GRK1: variants seen among roughly 807,000 people sequenced by gnomAD.
GRK1 encodes rhodopsin kinase GRK1.
Under a neutral mutation model 41.7 loss-of-function variants are expected in GRK1, and 28 were observed. The ratio of observed to expected loss-of-function variants is 0.67; its 90% CI spans 0.50 to 0.92. The LOEUF is 0.92. Ranked by LOEUF, GRK1 falls within the 40% of genes least tolerant of loss-of-function variation. GRK1 has a pLI of 0.00. For missense variants in GRK1, 703 were observed against 671.2 expected (o/e 1.05, Z -0.52); for synonymous variants, 327 against 286.7 (o/e 1.14, Z -1.42).
the GRK1 span, chr13:113,649,323 G>C: frequency 1.3e-6 from 2 of 1,548,180 alleles, no homozygotes; most frequent in Non-Finnish European, 1.7e-6. This position sits in a 1 kb window ranked among gnomAD's most constrained non-coding sequence, Gnocchi z 4.7. Flanking sequence ...AACCAGGAGG[G>C]TGTCCTTGAG....
chr13:113,669,877 G>A, intron 2 of GRK1, 63 bp downstream of exon 2: 1 of 1,593,696 alleles, frequency 6.3e-7, no homozygotes, highest in Non-Finnish European at 8.6e-7. Flanking sequence ...GGTTTCCAGG[G>A]CCCGGGCTCC....
the GRK1 span, chr13:113,650,297 C>T: frequency 9.2e-7 from 1 of 1,086,264 alleles, no homozygotes; most frequent in Non-Finnish European, 1.4e-6. This position sits in a 1 kb window ranked among gnomAD's most constrained non-coding sequence, Gnocchi z 5.0. Flanking sequence ...CCGGCTAAGT[C>T]ACACCTTTGT....
intron 1 of GRK1, among the ~76,000 whole-genome samples, chr13:113,669,382 G>C (rs1466715296): frequency 6.6e-6 from 1 of 152,244 alleles, no homozygotes; most frequent in Non-Finnish European, 1.5e-5. Context: ...GGGCAGGCGG[G>C]GCTGGCAGGG....
At chr13:113,726,907 T>C (rs1259975545) in intron 4 of GRK1, among the ~76,000 whole-genome samples, 2 of 152,230 alleles carry the variant, frequency 1.3e-5, no homozygotes, top group Admixed American at 6.5e-5. Flanking sequence ...AAAAGGATTC[T>C]GTGGCCACAT....
Position 113,667,561 on chromosome 13 carries a change from G to C in GRK1, c.175G>C (p.Glu59Gln), listed in dbSNP as rs1187576493. Residue 59 changes from glutamate to glutamine, a missense_variant, in exon 1 of 7, where the codon GAG becomes CAG. Glu to Gln is a conservative substitution (Grantham distance 29). Coordinates refer to ENST00000335678, the MANE Select transcript of GRK1 (RefSeq NM_002929.3). The surrounding 1 kb of genome is among the most constrained non-coding windows in gnomAD (Gnocchi z 7.5). ...SLRDSLSLEFESVCLEQPIGK... is the reference protein window; with the variant it reads ...SLRDSLSLEFQSVCLEQPIGK... ...CCGCGACAGCCTCAGCCTGGAGTTT[G>C]AGAGTGTGTGCTTGGAGCAGCCCAT... 6.2e-7 allele frequency: 1 copy of C among 1,613,604 alleles called. No homozygotes were observed. Among genetic ancestry groups the C allele is most frequent in the Non-Finnish European group, 8.5e-7 (1 of 1,179,878 alleles).
upstream of GRK1, among the ~76,000 whole-genome samples, chr13:113,663,539 G>A (rs1266925053): frequency 1.3e-5 from 2 of 152,192 alleles, no homozygotes; most frequent in Non-Finnish European, 2.9e-5. Context: ...ATCACTGGGA[G>A]AGGATATTCG....
At chr13:113,723,722 GTC>G (rs2071082839) in intron 4 of GRK1, among the ~76,000 whole-genome samples, 1 of 152,002 alleles carries the variant, frequency 6.6e-6, no homozygotes, top group African/African-American at 2.4e-5. Flanking sequence ...GTGATTTTGG[GTC>G]TCAAGATATT....
chr13:113,648,883 T>G, the GRK1 span: 1 of 152,300 alleles, frequency 6.6e-6, no homozygotes, highest in Non-Finnish European at 1.5e-5. Flanking sequence ...ACAATAAGAG[T>G]AACTTTAATA....
At chr13:113,653,981 G>A in the GRK1 span, among the ~76,000 whole-genome samples, 1 of 152,064 alleles carries the variant, frequency 6.6e-6, no homozygotes, top group Non-Finnish European at 1.5e-5. Flanking sequence ...TTTACTGCAG[G>A]TCCTTAGGAA....
chr13:113,734,245 G>A (rs967283428), intron 6 of GRK1, among the ~76,000 whole-genome samples: 1 of 152,230 alleles, frequency 6.6e-6, no homozygotes, highest in African/African-American at 2.4e-5. Context: ...CGTATGTTAG[G>A]GTCACAGCAG....
At chr13:113,650,681 A>G in the GRK1 span, among the ~76,000 whole-genome samples, 1 of 152,226 alleles carries the variant, frequency 6.6e-6, no homozygotes, top group Non-Finnish European at 1.5e-5. This position sits in a 1 kb window ranked among gnomAD's most constrained non-coding sequence, Gnocchi z 5.0. Flanking sequence ...CTGAGATCTC[A>G]GCAAGGATAT....
intron 4 of GRK1, among the ~76,000 whole-genome samples, chr13:113,727,042 G>A (rs900897887): frequency 4.6e-5 from 7 of 152,236 alleles, no homozygotes; most frequent in Admixed American, 1.3e-4. Flanking sequence ...CAGGACATCC[G>A]TCATGGGTCT....
upstream of GRK1, among the ~76,000 whole-genome samples, chr13:113,664,886 T>C (rs1007962285): frequency 6.6e-6 from 1 of 152,210 alleles, no homozygotes; most frequent in African/African-American, 2.4e-5. The surrounding 1 kb of genome is among the most constrained non-coding windows in gnomAD (Gnocchi z 5.4). Flanking sequence ...GGAGTTAACG[T>C]GATCCGCCCA....
chr13:113,731,062 G>C lies in GRK1; in HGVS notation c.1070-157G>C. On this transcript the variant is annotated intron_variant, in intron 4 of 6. Coordinates refer to ENST00000335678, the MANE Select transcript of GRK1 (RefSeq NM_002929.3). This position sits in a 1 kb window ranked among gnomAD's most constrained non-coding sequence, Gnocchi z 5.6. ...GCTGCTTGGCACCCAGTAACACACA[G>C]GGCAGCCCCTCCACAAAGGATTTTC... 3.1e-6 allele frequency: 2 copies of C among 641,060 alleles called. No individual in the cohort carries two copies. Among genetic ancestry groups the C allele is most frequent in the Non-Finnish European group, 3.9e-6 (2 of 515,616 alleles). 39.7% of individuals were successfully genotyped at this position (641,060 alleles called of 1,614,324 possible). A position where few individuals can be genotyped will look rare whatever the true frequency, so the allele number is the denominator to read the frequency against.
In GRK1 at chr13:113,671,629, C is replaced by A. The variant is rs1176553670; in HGVS notation, c.958C>A (p.Pro320Thr). Residue 320 changes from proline (P) to threonine (T), a missense_variant, in exon 3 of 7, where the codon CCC (proline) becomes ACC (threonine). Pro to Thr is a conservative substitution (Grantham distance 38, BLOSUM62 -1). Transcript: ENST00000335678. The surrounding 1 kb of genome is among the most constrained non-coding windows in gnomAD (Gnocchi z 4.1). ...QRRIVYRDLK[P>T]ENVLLDNDGN... is the part of the protein sequence containing the mutation. ...GCGGATCGTCTACCGCGACCTCAAG[C>A]CCGAGAACGTGCTGCTGGACAATGA... The A allele has an allele frequency of 1.4e-5, 11 of 768,388 alleles. No individual in the cohort carries two copies. Among genetic ancestry groups the A allele is most frequent in the Non-Finnish European group, 2.4e-5 (10 of 417,318 alleles). 47.6% of individuals were successfully genotyped at this position (768,388 alleles called of 1,614,324 possible). A position where few individuals can be genotyped will look rare whatever the true frequency, so the allele number is the denominator to read the frequency against.
chr13:113,729,565 A>T (rs1427122929), intron 4 of GRK1, among the ~76,000 whole-genome samples: 1 of 152,218 alleles, frequency 6.6e-6, no homozygotes, highest in Non-Finnish European at 1.5e-5. Context: ...GGCAGCTGAC[A>T]CAAGGAAGCA....
chr13:113,664,376 T>C (rs1400309445), upstream of GRK1, among the ~76,000 whole-genome samples: 3 of 152,142 alleles, frequency 2.0e-5, no homozygotes, highest in African/African-American at 7.2e-5. This position sits in a 1 kb window ranked among gnomAD's most constrained non-coding sequence, Gnocchi z 5.4. Flanking sequence ...TCTCTCTGGA[T>C]TGTTTCTTAA....
At chr13:113,668,140 C>A in intron 1 of GRK1, 55 bp downstream of exon 1, 1 of 1,529,992 alleles carries the variant, frequency 6.5e-7, no homozygotes, top group Middle Eastern at 2.1e-4. Context: ...AGGGATGGGG[C>A]GGCAGGGTGC....
rs187132462 is a variant in GRK1 at position 113,723,695 on chromosome 13, C to T, written c.1069+538C>T. ...CAGGTTTGCCATAAGCAGTTCCCAG[C>T]TTGACTCTTTCCTTTAGTGATTTTG... On this transcript the variant is annotated intron_variant, in intron 4 of 6. Transcript: ENST00000335678. 2.1e-3 allele frequency among the ~76,000 whole-genome samples: 324 copies of T among 152,240 alleles called. 6 individuals are homozygous for T. Among genetic ancestry groups the T allele is most frequent in the Admixed American group, 0.019 (288 of 15,304 alleles).
Sources: allele counts gnomAD v4.1 joint callset (sites outside exome capture counted in the v4.1 genomes callset), GRCh38; gene constraint gnomAD v4.1.1; non-coding constraint Gnocchi (gnomAD v3.1); transcripts MANE v1.5; gene names NCBI Gene and HGNC (gene_info 2026-07-23, HGNC 2026-07-21).